PLXNA2: variants seen among roughly 807,000 people sequenced by gnomAD.
The protein encoded by PLXNA2 is plexin A2, also known as plexin-A2.
In PLXNA2, 91 loss-of-function variants were observed where a neutral mutation model predicts 193.5. That is an observed-to-expected ratio of 0.47 (90% CI 0.40 to 0.56). The LOEUF (loss-of-function observed/expected upper bound fraction) is 0.56. Ranked by LOEUF, PLXNA2 falls within the 20% of genes least tolerant of loss-of-function variation. PLXNA2 has a pLI of 0.00. For missense variants in PLXNA2, 1,995 were observed against 2,503.2 expected (o/e 0.80, Z 4.33); for synonymous variants, 997 against 1,027.3 (o/e 0.97, Z 0.56).
chr1:208,092,503 T>C (rs1267018667), intron 9 of PLXNA2, among the ~76,000 whole-genome samples: 15 of 152,270 alleles, frequency 9.9e-5, no homozygotes. Context: ...TGGTTGAATA[T>C]GTTTCCTCTA....
intron 9 of PLXNA2, among the ~76,000 whole-genome samples, chr1:208,087,851 G>C (rs1666581360): frequency 6.6e-6 from 1 of 152,092 alleles, no homozygotes; most frequent in Non-Finnish European, 1.5e-5. Flanking sequence ...GCTTGAGGAT[G>C]GTGAAGGGTT....
chr1:208,131,480 G>A (rs930625047), intron 4 of PLXNA2, among the ~76,000 whole-genome samples: 2 of 152,162 alleles, frequency 1.3e-5, no homozygotes, highest in African/African-American at 4.8e-5. Context: ...ACTCAACGCA[G>A]GGAACACAAG....
chr1:208,091,853 A>T (rs2102402358), intron 9 of PLXNA2, among the ~76,000 whole-genome samples: 1 of 141,082 alleles, frequency 7.1e-6, no homozygotes, highest in South Asian at 2.4e-4. Flanking sequence ...CTGGCGATAG[A>T]GCGAGACTTC....
intron 2 of PLXNA2, among the ~76,000 whole-genome samples, chr1:208,213,333 G>C (rs764608026): frequency 6.6e-6 from 1 of 152,172 alleles, no homozygotes; most frequent in Non-Finnish European, 1.5e-5. Flanking sequence ...GGAAACAGAA[G>C]GGCTCAATAG....
At chr1:208,178,247 C>T (rs542688223) in intron 3 of PLXNA2, among the ~76,000 whole-genome samples, 1 of 152,112 alleles carries the variant, frequency 6.6e-6, no homozygotes, top group Admixed American at 6.5e-5. Flanking sequence ...TTATGAGAAG[C>T]CTTGCTTTGA....
At chr1:208,136,498 G>C (rs563705198) in intron 4 of PLXNA2, among the ~76,000 whole-genome samples, 1 of 152,158 alleles carries the variant, frequency 6.6e-6, no homozygotes, top group Non-Finnish European at 1.5e-5. Context: ...TTTCTGGCCC[G>C]GTGTCCATGC....
At chr1:208,138,295 T>C (rs1318964878) in intron 4 of PLXNA2, among the ~76,000 whole-genome samples, 3 of 152,252 alleles carry the variant, frequency 2.0e-5, no homozygotes, top group African/African-American at 2.4e-5. Context: ...CACTTAATTA[T>C]AAAGTTGGCT....
At position 208,044,888 on chromosome 1, in the gene PLXNA2, G is replaced by A; in HGVS notation, c.3640-146C>T. 1 of 998,536 alleles carries A rather than the reference G, an allele frequency of 1.0e-6. No homozygotes were observed. The highest frequency in any genetic ancestry group is 1.5e-6 in the Non-Finnish European group (1 of 665,734). The allele number at this position is 998,536 out of a possible 1,614,324, so 61.9% of individuals were successfully genotyped here. On this transcript the variant is annotated intron_variant, in intron 19 of 31. Transcript: ENST00000367033. This position sits in a 1 kb window ranked among gnomAD's most constrained non-coding sequence, Gnocchi z 4.9. ...AGATAAAAAGCAATTTCCTGCCTCG[G>A]CATCTGCCTTTCTTTTCTTGTGTTC...
chr1:208,235,142 C>G lies in PLXNA2; in HGVS notation c.-81+8501G>C, dbSNP rs73082042. On this transcript the variant is annotated intron_variant, in intron 1 of 31. Transcript: ENST00000367033. ...ACCAAAAACCCAAGGGCGGCAAAGG[C>G]AGAATTCAAATTCCAATCCCACTGG... 5.9e-3 allele frequency among the ~76,000 whole-genome samples: 898 copies of G among 152,312 alleles called. 11 individuals are homozygous for G. Among genetic ancestry groups the G allele is most frequent in the African/African-American group, 0.021 (857 of 41,564 alleles).
intron 1 of PLXNA2, among the ~76,000 whole-genome samples, chr1:208,238,738 A>G (rs1671947622): frequency 6.6e-6 from 1 of 152,240 alleles, no homozygotes; most frequent in Non-Finnish European, 1.5e-5. Context: ...CTTTTAAAAA[A>G]AAGTCTCCTC....
intron 3 of PLXNA2, among the ~76,000 whole-genome samples, chr1:208,144,530 A>C (rs954003447): frequency 3.3e-5 from 5 of 151,632 alleles, no homozygotes; most frequent in African/African-American, 1.2e-4. Flanking sequence ...TTCTTGCCTG[A>C]GGCCCTTGTG....
chr1:208,215,133 C>T (rs1671083943), intron 2 of PLXNA2, among the ~76,000 whole-genome samples: 1 of 152,062 alleles, frequency 6.6e-6, no homozygotes, highest in African/African-American at 2.4e-5. Flanking sequence ...GTAGCTGGTA[C>T]TACAGGTGTG....
chr1:208,131,798 G>A (rs1001647223), intron 4 of PLXNA2, among the ~76,000 whole-genome samples: 1 of 152,162 alleles, frequency 6.6e-6, no homozygotes. Context: ...ATATGCAGAG[G>A]AGTCATGATG....
At chr1:208,034,431 G>A in intron 27 of PLXNA2, 62 bp downstream of exon 27, 1 of 1,038,668 alleles carries the variant, frequency 9.6e-7, no homozygotes, top group Non-Finnish European at 1.5e-6. Context: ...GTAGCGAGTG[G>A]GCCCTGCTAG....
Position 208,046,180 on chromosome 1 carries a change from A to C in PLXNA2, c.3256-63T>G, listed in dbSNP as rs532760903. The C allele has an allele frequency of 8.0e-5, 124 of 1,542,782 alleles. No individual in the cohort carries two copies. The South Asian group carries it at 1.3e-3, about 17-fold the overall frequency. On this transcript the variant is annotated intron_variant, in intron 17 of 31. Transcript: ENST00000367033. ...CCTGGCACAGAGCCCAGGGGCCCAC[A>C]GCCGCTCTCCCACCCTCTCTCTGCT...
Position 208,210,453 on chromosome 1 carries a change from T to C in PLXNA2, c.1198A>G (p.Ile400Val), listed in dbSNP as rs763977223. ...TCCAGTCCACAGAAGTTATCATCGATGGGGACAGGCTGGAGGGAAGCGGAA... is the reference window on the plus strand; with the variant it reads ...TCCAGTCCACAGAAGTTATCATCGACGGGGACAGGCTGGAGGGAAGCGGAA... Reference protein sequence around the residue: ...DVQCTKAPVPIDDNFCGLDIN... With the variant: ...DVQCTKAPVPVDDNFCGLDIN... Residue 400 changes from isoleucine (I) to valine (V), a missense_variant, in exon 3 of 32, where the codon ATC (isoleucine) becomes GTC (valine). Physicochemically the swap from Ile to Val is conservative, Grantham distance 29 (BLOSUM62 3). Coordinates refer to ENST00000367033, the MANE Select transcript of PLXNA2 (RefSeq NM_025179.4). The C allele has an allele frequency of 6.2e-7, 1 of 1,612,478 alleles. No homozygotes were observed. The highest frequency in any genetic ancestry group is 8.5e-7 in the Non-Finnish European group (1 of 1,178,968).
intron 3 of PLXNA2, among the ~76,000 whole-genome samples, chr1:208,187,760 C>T (rs551674249): frequency 3.3e-5 from 5 of 152,238 alleles, no homozygotes; most frequent in Admixed American, 6.5e-5. Context: ...CATGTACTTG[C>T]GGGATAAAAC....
chr1:208,125,785 G>C (rs1667957774), intron 4 of PLXNA2, among the ~76,000 whole-genome samples: 1 of 152,140 alleles, frequency 6.6e-6, no homozygotes, highest in Admixed American at 6.6e-5. Context: ...CCCTGGGAGG[G>C]GATAGGCTGC....
At chr1:208,105,389 G>A (rs903150708) in intron 4 of PLXNA2, among the ~76,000 whole-genome samples, 5 of 152,196 alleles carry the variant, frequency 3.3e-5, no homozygotes, top group African/African-American at 7.2e-5. Flanking sequence ...GGTGACATTC[G>A]TCCCAAAGGC....
Sources: allele counts gnomAD v4.1 joint callset (sites outside exome capture counted in the v4.1 genomes callset), GRCh38; gene constraint gnomAD v4.1.1; non-coding constraint Gnocchi (gnomAD v3.1); transcripts MANE v1.5; gene names NCBI Gene and HGNC (gene_info 2026-07-23, HGNC 2026-07-21).